LIN7A: variants seen among roughly 807,000 people sequenced by gnomAD.
LIN7A encodes lin-7 cell polarity scaffold A.
LIN7A carries 25 observed loss-of-function variants against 29.8 expected under a neutral mutation model. The ratio of observed to expected loss-of-function variants is 0.84; its 90% CI spans 0.61 to 1.17. The LOEUF is 1.17. Ranked by LOEUF, LIN7A falls within the 50% of genes most tolerant of loss-of-function variation. LIN7A has a pLI of 0.00. For missense variants in LIN7A, 239 were observed against 287.0 expected (o/e 0.83, Z 1.21); for synonymous variants, 118 against 107.5 (o/e 1.10, Z -0.60).
intron 4 of LIN7A, chr12:80,832,640 G>C: frequency 2.2e-6 from 1 of 458,484 alleles, no homozygotes; most frequent in African/African-American, 2.1e-5. Flanking sequence ...GCTTATGGTA[G>C]CTTCCGTGAC....
chr12:80,903,317 T>A (rs374112590), intron 1 of LIN7A, among the ~76,000 whole-genome samples: 1 of 152,146 alleles, frequency 6.6e-6, no homozygotes, highest in East Asian at 1.9e-4. Flanking sequence ...TATTGTCTGA[T>A]TGATGTATGC....
chr12:80,807,553 A>G (rs562645988), intron 5 of LIN7A, among the ~76,000 whole-genome samples: 1 of 152,326 alleles, frequency 6.6e-6, no homozygotes, highest in East Asian at 1.9e-4. Flanking sequence ...TACTTGCACA[A>G]TTTTACTATG....
chr12:80,848,400 A>G (rs2121549169), intron 2 of LIN7A, 78 bp from the exon 3 acceptor site: 1 of 1,113,214 alleles, frequency 9.0e-7, no homozygotes, highest in Non-Finnish European at 1.3e-6. Flanking sequence ...AGAAAATTAT[A>G]TTTTCACTGT....
chr12:80,894,043 A>C (rs1163667), intron 1 of LIN7A, among the ~76,000 whole-genome samples: 103,176 of 152,072 alleles, frequency 0.68, 39,050 homozygotes, highest in Non-Finnish European at 0.87. Flanking sequence ...GATTCCCTTA[A>C]GTTCTATAAG....
Position 80,797,727 on chromosome 12 carries a change from C to T in LIN7A, c.*1-1G>A, listed in dbSNP as rs1280028753. On this transcript the variant is annotated splice_acceptor_variant, in intron 5 of 5. Coordinates refer to ENST00000552864, the MANE Select transcript of LIN7A (RefSeq NM_004664.4). LOFTEE classifies it low-confidence loss of function (3UTR_SPLICE). ...GATCAAGTAGCTTTCCCTCAAGGGC[C>T]TGAAAGAGAAAAAGAGTGAAGAGAA... 4 of 152,514 alleles carry T rather than the reference C, an allele frequency of 2.6e-5. No homozygotes were observed. The highest frequency in any genetic ancestry group is 4.4e-5 in the Non-Finnish European group (3 of 68,022). The allele number at this position is 152,514 out of a possible 1,614,324, so 9.4% of individuals were successfully genotyped here. A position where few individuals can be genotyped will look rare whatever the true frequency, so the allele number is the denominator to read the frequency against.
At chr12:80,838,230 A>G (rs903704942) in intron 4 of LIN7A, among the ~76,000 whole-genome samples, 11 of 152,272 alleles carry the variant, frequency 7.2e-5, no homozygotes, top group African/African-American at 2.6e-4. Flanking sequence ...TATCAGCACA[A>G]TCTCTTGTAT....
At chr12:80,810,390 CATCTGTGTGT>C (rs1370673307) in intron 5 of LIN7A, among the ~76,000 whole-genome samples, 2 of 117,966 alleles carry the variant, frequency 1.7e-5, no homozygotes, top group Non-Finnish European at 3.4e-5. Context: ...AAATGGTATA[CATCTGTGTGT>C]GTGTGTGTGT....
At chr12:80,900,987 T>C (rs889611876) in intron 1 of LIN7A, among the ~76,000 whole-genome samples, 5 of 152,180 alleles carry the variant, frequency 3.3e-5, no homozygotes, top group Non-Finnish European at 7.4e-5. Flanking sequence ...TTAGCACTTA[T>C]GAAAATTTTT....
At chr12:80,833,614 G>A (rs1872476512) in intron 4 of LIN7A, among the ~76,000 whole-genome samples, 1 of 152,140 alleles carries the variant, frequency 6.6e-6, no homozygotes, top group African/African-American at 2.4e-5. Flanking sequence ...TCCTTGTGAT[G>A]GCTTATGGTG....
rs1870441797 is a variant in LIN7A at position 80,796,196 on chromosome 12, T to G, written c.*1531A>C. On this transcript the variant is annotated 3_prime_UTR_variant, in exon 6 of 6. Coordinates refer to ENST00000552864, the MANE Select transcript of LIN7A (RefSeq NM_004664.4). ...GGATTATCTGAAGTGTCAAATTGTA[T>G]TGTATCTTGGGGAATCAATTTCTGT... 1 of 152,176 alleles carries G rather than the reference T, an allele frequency of 6.6e-6. No individual in the cohort carries two copies. The highest frequency in any genetic ancestry group is 1.5e-5 in the Non-Finnish European group (1 of 68,018). The allele number at this position is 152,176 out of a possible 1,614,324, so 9.4% of individuals were successfully genotyped here.
intron 1 of LIN7A, among the ~76,000 whole-genome samples, chr12:80,920,194 C>T (rs1454799067): frequency 2.6e-5 from 4 of 152,108 alleles, no homozygotes; most frequent in South Asian, 2.1e-4. Flanking sequence ...AGTAAATGAG[C>T]GTGGCGGTGC....
intron 2 of LIN7A, chr12:80,861,392 G>A: frequency 6.4e-6 from 1 of 155,330 alleles, no homozygotes; most frequent in Middle Eastern, 7.2e-4. Flanking sequence ...GCTGCTTGAT[G>A]GAGGAGTGAC....
At chr12:80,803,959 A>G (rs978923030) in intron 5 of LIN7A, among the ~76,000 whole-genome samples, 2 of 152,218 alleles carry the variant, frequency 1.3e-5, no homozygotes, top group Non-Finnish European at 2.9e-5. Context: ...AAGAGGCTTT[A>G]AAGCCCATGT....
intron 1 of LIN7A, among the ~76,000 whole-genome samples, chr12:80,928,529 T>C (rs1877726850): frequency 6.6e-6 from 1 of 152,290 alleles, no homozygotes; most frequent in African/African-American, 2.4e-5. Flanking sequence ...CTTTTTCCCA[T>C]TTTTTGATGG....
intron 1 of LIN7A, among the ~76,000 whole-genome samples, chr12:80,896,673 T>A (rs1277909069): frequency 6.6e-6 from 1 of 152,236 alleles, no homozygotes; most frequent in East Asian, 1.9e-4. Context: ...AAAAATTTAC[T>A]CAGTATGCTA....
chr12:80,900,928 A>G (rs1163370792), intron 1 of LIN7A, among the ~76,000 whole-genome samples: 1 of 152,210 alleles, frequency 6.6e-6, no homozygotes, highest in East Asian at 1.9e-4. Flanking sequence ...TAAGTGAAGC[A>G]GAAAAGAACC....
rs1877706563 is a variant in LIN7A at position 80,928,138 on chromosome 12, T to C, written c.82+9503A>G. On this transcript the variant is annotated intron_variant, in intron 1 of 5. Transcript: ENST00000552864. ...GACATTTGGGTTGGTTCCAAGTCTT[T>C]GCTGTTGTGAATAGTGCTGCAATAA... Among the ~76,000 whole-genome samples the C allele has an allele frequency of 1.3e-5, 2 of 152,188 alleles. 1 individual carries two copies. The highest frequency in any genetic ancestry group is 3.9e-4 in the East Asian group (2 of 5,194).
intron 4 of LIN7A, among the ~76,000 whole-genome samples, chr12:80,824,041 G>T (rs1233825121): frequency 1.3e-5 from 2 of 151,936 alleles, no homozygotes; most frequent in Admixed American, 6.6e-5. Flanking sequence ...AGAACTAAAT[G>T]AAATGAAACA....
intron 4 of LIN7A, among the ~76,000 whole-genome samples, chr12:80,841,196 T>A (rs955572574): frequency 6.6e-6 from 1 of 151,770 alleles, no homozygotes; most frequent in African/African-American, 2.4e-5. Flanking sequence ...ATGAGCACAA[T>A]AGGGTGTGAG....
Sources: gnomAD v4.1 joint callset for allele counts (sites outside exome capture counted in the v4.1 genomes callset) on GRCh38, gnomAD v4.1.1 for gene constraint, MANE v1.5 for transcripts, NCBI Gene and HGNC (gene_info 2026-07-23, HGNC 2026-07-21) for gene names.